IGSF11: variants seen among roughly 807,000 people sequenced by gnomAD.
IGSF11 encodes CXADR like 1.
IGSF11 carries 22 observed loss-of-function variants against 41.0 expected under a neutral mutation model. That is an observed-to-expected ratio of 0.54 (90% CI 0.38 to 0.77). The LOEUF is 0.77. Ranked by LOEUF, IGSF11 falls within the 30% of genes least tolerant of loss-of-function variation. IGSF11 has a pLI of 0.00. For synonymous variants in IGSF11, 219 were observed against 201.3 expected, an observed-to-expected ratio of 1.09 and a Z score of -0.74; for missense variants, 444 against 530.8, an observed-to-expected ratio of 0.84 and a Z score of 1.61.
At chr3:119,004,372 G>C (rs1329661613) in intron 1 of IGSF11, among the ~76,000 whole-genome samples, 1 of 150,794 alleles carries the variant, frequency 6.6e-6, no homozygotes. Context: ...TATTAGTCTT[G>C]CTAGCGGTCT....
Position 119,008,002 on chromosome 3 carries a change from T to G in IGSF11, c.52+26529A>C, listed in dbSNP as rs1321431946. On this transcript the variant is annotated intron_variant, in intron 1 of 6. Coordinates refer to ENST00000393775, the MANE Select transcript of IGSF11 (RefSeq NM_001015887.3). ...GTCCTCCTAATCATCGACTCAAAAG[T>G]GAAAGCAACTTCCATGTTAATCTAC... Among the ~76,000 whole-genome samples, 6 of 152,244 alleles carry G rather than the reference T, an allele frequency of 3.9e-5. No homozygotes were observed. In the East Asian group the frequency reaches 1.2e-3, roughly 29 times the overall value.
intron 1 of IGSF11, among the ~76,000 whole-genome samples, chr3:119,125,761 A>G (rs2077395840): frequency 6.6e-6 from 1 of 152,186 alleles, no homozygotes; most frequent in Non-Finnish European, 1.5e-5. Context: ...GAAGGCTGGC[A>G]TGACCCACGG....
At chr3:118,994,661 C>T (rs1936099059) in intron 1 of IGSF11, among the ~76,000 whole-genome samples, 1 of 152,056 alleles carries the variant, frequency 6.6e-6, no homozygotes, top group South Asian at 2.1e-4. Flanking sequence ...AGAGATGAGA[C>T]GAGAAGAGGA....
At chr3:119,072,826 G>T (rs897848795) in intron 1 of IGSF11, among the ~76,000 whole-genome samples, 1 of 152,156 alleles carries the variant, frequency 6.6e-6, no homozygotes, top group African/African-American at 2.4e-5. Context: ...ACCCGAGCAG[G>T]TTGCCACTGC....
At chr3:118,923,758 G>A (rs953841163) in intron 4 of IGSF11, among the ~76,000 whole-genome samples, 1 of 152,126 alleles carries the variant, frequency 6.6e-6, no homozygotes, top group Non-Finnish European at 1.5e-5. Flanking sequence ...ACGTTTGTTT[G>A]TTTGAGGTTT....
At chr3:119,063,660 TG>T (rs1221813721) in intron 1 of IGSF11, among the ~76,000 whole-genome samples, 1 of 152,256 alleles carries the variant, frequency 6.6e-6, no homozygotes, top group Non-Finnish European at 1.5e-5. Flanking sequence ...TGTATAGTTT[TG>T]TTTTTAATTT....
intron 1 of IGSF11, among the ~76,000 whole-genome samples, chr3:119,072,150 C>T (rs1356870259): frequency 4.6e-5 from 7 of 152,152 alleles, no homozygotes; most frequent in Admixed American, 1.3e-4. Context: ...TCTTTGTTTC[C>T]GTACAGTAAG....
intron 1 of IGSF11, among the ~76,000 whole-genome samples, chr3:119,120,882 G>A (rs1328622856): frequency 1.3e-5 from 2 of 152,208 alleles, no homozygotes; most frequent in Non-Finnish European, 2.9e-5. Flanking sequence ...TTCTGTTAGA[G>A]AAGAAATGGT....
intron 4 of IGSF11, among the ~76,000 whole-genome samples, chr3:118,912,571 C>T (rs1310618332): frequency 2.0e-5 from 3 of 152,238 alleles, no homozygotes; most frequent in East Asian, 3.9e-4. Flanking sequence ...CTTCCCAAAA[C>T]CTCTAGAGCT....
intron 1 of IGSF11, among the ~76,000 whole-genome samples, chr3:119,087,526 G>GA (rs1439459808): frequency 6.6e-6 from 1 of 152,036 alleles, no homozygotes; most frequent in Non-Finnish European, 1.5e-5. Flanking sequence ...CTCAGGAATG[G>GA]AAAACCAAAC....
intron 1 of IGSF11, among the ~76,000 whole-genome samples, chr3:119,033,837 T>G (rs1156484988): frequency 6.6e-6 from 1 of 152,196 alleles, no homozygotes; most frequent in Non-Finnish European, 1.5e-5. Context: ...ACCGAAAATG[T>G]AAGAAAGATT....
intron 1 of IGSF11, among the ~76,000 whole-genome samples, chr3:119,104,418 G>A (rs1257650587): frequency 6.6e-6 from 1 of 152,082 alleles, no homozygotes; most frequent in African/African-American, 2.4e-5. Context: ...GCCTGGAATA[G>A]GCTTCTCCTG....
chr3:119,030,261 T>C (rs1413493733), intron 1 of IGSF11, among the ~76,000 whole-genome samples: 5 of 152,260 alleles, frequency 3.3e-5, no homozygotes, highest in African/African-American at 1.2e-4. Flanking sequence ...TTTCATCCTA[T>C]ACTCTAAATA....
chr3:119,102,152 C>T (rs1424401212), intron 1 of IGSF11, among the ~76,000 whole-genome samples: 3 of 152,164 alleles, frequency 2.0e-5, no homozygotes, highest in Admixed American at 2.0e-4. Context: ...CATACTGGTA[C>T]ATCACTGCCA....
chr3:119,025,042 G>A (rs1341094828), intron 1 of IGSF11, among the ~76,000 whole-genome samples: 2 of 152,132 alleles, frequency 1.3e-5, no homozygotes, highest in East Asian at 1.9e-4. Flanking sequence ...GACTATATTC[G>A]AATGACATTT....
At chr3:119,067,363 G>C (rs1014578509) in intron 1 of IGSF11, among the ~76,000 whole-genome samples, 1 of 152,104 alleles carries the variant, frequency 6.6e-6, no homozygotes. Context: ...CCATTCTTCA[G>C]TTCTAGCAAA....
chr3:119,048,913 C>A (rs1197676370), intron 1 of IGSF11, among the ~76,000 whole-genome samples: 1 of 152,162 alleles, frequency 6.6e-6, no homozygotes. Context: ...ATTATCTCAA[C>A]AGATGCAGAA....
At chr3:119,070,928 T>A (rs2076389917) in intron 1 of IGSF11, among the ~76,000 whole-genome samples, 1 of 152,244 alleles carries the variant, frequency 6.6e-6, no homozygotes, top group Non-Finnish European at 1.5e-5. Context: ...TCACAGAGAT[T>A]ATTTTTCCTT....
At chr3:119,048,651 G>T (rs1000928344) in intron 1 of IGSF11, among the ~76,000 whole-genome samples, 1 of 151,836 alleles carries the variant, frequency 6.6e-6, no homozygotes, top group Non-Finnish European at 1.5e-5. Flanking sequence ...ATTTTATGAG[G>T]CCAGCATCAT....
Sources: allele counts gnomAD v4.1 joint callset (sites outside exome capture counted in the v4.1 genomes callset), GRCh38; gene constraint gnomAD v4.1.1; transcripts MANE v1.5; gene names NCBI Gene and HGNC (gene_info 2026-07-23, HGNC 2026-07-21).